Variants in MICAL3 observed in about 807,000 individuals in gnomAD.
MICAL3 encodes the protein microtubule associated monooxygenase, calponin and LIM domain containing 3, also known as [F-actin]-monooxygenase MICAL3.
Under a neutral mutation model 207.4 loss-of-function variants are expected in MICAL3, and 62 were observed. The observed-to-expected ratio is 0.30, with a 90% CI of 0.24 to 0.37. MICAL3 has a LOEUF of 0.37. MICAL3 is among the 10% of genes least tolerant of loss of function. MICAL3 has a pLI of 1.00. For synonymous variants in MICAL3, 1,077 were observed against 1,069.3 expected, an observed-to-expected ratio of 1.01 and a Z score of -0.14; for missense variants, 2,368 against 2,635.6, an observed-to-expected ratio of 0.90 and a Z score of 2.22.
intron 1 of MICAL3, among the ~76,000 whole-genome samples, chr22:17,992,799 A>G (rs1921839181): frequency 6.6e-6 from 1 of 152,096 alleles, no homozygotes; most frequent in Non-Finnish European, 1.5e-5. Flanking sequence ...CTGAACATTT[A>G]TCTCACGGGA....
chr22:17,877,027 T>A (rs62643860), intron 16 of MICAL3, among the ~76,000 whole-genome samples: 3 of 12,256 alleles, frequency 2.4e-4, no homozygotes, highest in African/African-American at 5.8e-4. Context: ...ATGGAGGTTA[T>A]GGAGGTTAGG....
intron 8 of MICAL3, 21 bp downstream of exon 8, chr22:17,896,703 G>C (rs1930873956): frequency 4.3e-6 from 7 of 1,609,950 alleles, no homozygotes; most frequent in Admixed American, 1.7e-5. Flanking sequence ...ACCACAGAGT[G>C]CTGCCATGCT....
chr22:17,803,068 C>T (rs542611936), intron 29 of MICAL3, among the ~76,000 whole-genome samples: 3 of 152,316 alleles, frequency 2.0e-5, no homozygotes, highest in Admixed American at 2.0e-4. Context: ...AGCAGATAAC[C>T]AGGCCTCACC....
chr22:18,007,655 T>TA (rs1473446784), intron 1 of MICAL3, among the ~76,000 whole-genome samples: 1 of 151,822 alleles, frequency 6.6e-6, no homozygotes, highest in Non-Finnish European at 1.5e-5. Context: ...GCTAGCAAAG[T>TA]AAAAAATGCA....
At chr22:17,974,825 C>T (rs1307419302) in intron 1 of MICAL3, among the ~76,000 whole-genome samples, 1 of 151,650 alleles carries the variant, frequency 6.6e-6, no homozygotes, top group Non-Finnish European at 1.5e-5. Context: ...ATGAGCACTA[C>T]TGTGCATGCT....
rs1290277846 is a variant in MICAL3 at position 17,790,736 on chromosome 22, G to GTGGTCGCCGT, written c.6004_6005insACGGCGACCA (p.Ser2002TyrfsTer93). On this transcript the variant is annotated frameshift_variant, in exon 32 of 32. Coordinates refer to ENST00000441493, the MANE Select transcript of MICAL3 (RefSeq NM_015241.3). LOFTEE classifies it high-confidence loss of function. ...AATGGAGCGTTGGGTGGGAGCTCAG[G>GTGGTCGCCGT]ACCAGTTAAGGCTGAAGCCCTTGGA... is the stretch of plus-strand genomic sequence containing the variant. 3 of 1,597,380 alleles carry GTGGTCGCCGT rather than the reference G, an allele frequency of 1.9e-6. No individual in the cohort carries two copies. The highest frequency in any genetic ancestry group is 1.7e-5 in the Admixed American group (1 of 57,392).
intron 1 of MICAL3, among the ~76,000 whole-genome samples, chr22:17,953,952 A>G (rs201096349): frequency 1.5e-3 from 70 of 47,752 alleles, no homozygotes; most frequent in South Asian, 3.6e-3. Flanking sequence ...AAAAAAAAAA[A>G]AAAAAAAAAA....
intron 3 of MICAL3, among the ~76,000 whole-genome samples, chr22:17,903,934 GTCTGT>G (rs1188129633): frequency 2.0e-5 from 3 of 152,228 alleles, no homozygotes; most frequent in African/African-American, 7.2e-5. Context: ...AACGCACACT[GTCTGT>G]TCTGAATTGC....
chr22:17,877,330 TTATGGAGGTTAG>T (rs1928790350), intron 16 of MICAL3, among the ~76,000 whole-genome samples: 2 of 119,922 alleles, frequency 1.7e-5, no homozygotes, highest in Admixed American at 8.0e-5. Context: ...GTTAGGGAGG[TTATGGAGGTTAG>T]GGAGGTTAGG....
chr22:17,909,650 A>ACCTT lies in MICAL3; in HGVS notation c.-74-2765_-74-2764insAAGG, dbSNP rs1931985360. Among the ~76,000 whole-genome samples the ACCTT allele has an allele frequency of 1.3e-5, 2 of 152,360 alleles. 1 individual carries two copies. Among genetic ancestry groups the ACCTT allele is most frequent in the East Asian group, 3.9e-4 (2 of 5,188 alleles). ...AACATTCAGTTTCCCCAAAAAAGAA[A>ACCTT]GGTTTTATTCTAGGTAGCAGCAAGA... is the stretch of plus-strand genomic sequence containing the variant. On this transcript the variant is annotated intron_variant, in intron 1 of 31. Coordinates refer to ENST00000441493, the MANE Select transcript of MICAL3 (RefSeq NM_015241.3).
intron 25 of MICAL3, among the ~76,000 whole-genome samples, chr22:17,820,583 T>A (rs551475832): frequency 6.6e-6 from 1 of 152,192 alleles, no homozygotes; most frequent in Non-Finnish European, 1.5e-5. Context: ...CTCGATCTCC[T>A]GACCTCGTGA....
intron 1 of MICAL3, among the ~76,000 whole-genome samples, chr22:17,973,149 G>T (rs373750447): frequency 6.6e-6 from 1 of 152,218 alleles, no homozygotes; most frequent in Non-Finnish European, 1.5e-5. Context: ...CACCCAGATG[G>T]GGGGAAAAGG....
chr22:17,862,495 C>T (rs532945458), intron 19 of MICAL3: 80 of 726,620 alleles, frequency 1.1e-4, no homozygotes, highest in Middle Eastern at 7.0e-4. Flanking sequence ...CTCCTGACCT[C>T]GTGATCTGCC....
chr22:17,892,168 C>T (rs564804338), intron 11 of MICAL3, among the ~76,000 whole-genome samples: 11 of 152,198 alleles, frequency 7.2e-5, no homozygotes, highest in South Asian at 4.1e-4. Flanking sequence ...TGCAGGGCTC[C>T]GCTGACAACC....
At chr22:17,910,776 T>C (rs115466587) in intron 1 of MICAL3, among the ~76,000 whole-genome samples, 2,895 of 152,336 alleles carry the variant, frequency 0.019, 88 homozygotes, top group African/African-American at 0.066. Context: ...TCCTTGGCTC[T>C]GACAACAGCC....
rs771595048 is a variant in MICAL3 at position 17,817,371 on chromosome 22, G to A, written c.5290C>T (p.Pro1764Ser). 8 of 1,612,202 alleles carry A rather than the reference G, an allele frequency of 5.0e-6. No individual in the cohort carries two copies. Among genetic ancestry groups the A allele is most frequent in the Non-Finnish European group, 6.8e-6 (8 of 1,179,574 alleles). Reference protein sequence around the residue: ...KADDKSCPSTPSSGATVDSGK... With the variant: ...KADDKSCPSTSSSGATVDSGK... Reference sequence around the variant, plus strand: ...GAGTCCACCGTGGCCCCGCTGGAGGGGGTGCTGGGGCAGGACTTGTCGTCG... The same window carrying A: ...GAGTCCACCGTGGCCCCGCTGGAGGAGGTGCTGGGGCAGGACTTGTCGTCG... Residue 1764 changes from proline to serine, a missense_variant, in exon 26 of 32, where the codon CCC (proline) becomes TCC (serine). Physicochemically the swap from Pro to Ser is moderately conservative, Grantham distance 74. Transcript: ENST00000441493.
chr22:18,000,074 G>A (rs959464578), intron 1 of MICAL3, among the ~76,000 whole-genome samples: 2 of 152,210 alleles, frequency 1.3e-5, no homozygotes, highest in African/African-American at 4.8e-5. Context: ...CCCGCAGGCG[G>A]CAGCGACTGT....
At position 17,822,034 on chromosome 22, in the gene MICAL3, C is replaced by T; in HGVS notation, c.3444G>A (p.Glu1148=). ...EKLPASPKHQ[E]RGPSQATSPI... The stretch of plus-strand genomic sequence containing the variant: ...TCCCATCAAAGACAGGCTCACCTCT[C>T]TCTTGGTGCTTCGGTGAGGCGGGCA... Residue 1148 remains glutamate (E), a synonymous_variant, in exon 24 of 32, where the codon GAG becomes GAA. Coordinates refer to ENST00000441493, the MANE Select transcript of MICAL3 (RefSeq NM_015241.3). The T allele has an allele frequency of 1.2e-6, 2 of 1,613,770 alleles. No homozygotes were observed. Among genetic ancestry groups the T allele is most frequent in the South Asian group, 1.1e-5 (1 of 91,066 alleles).
Position 17,793,131 on chromosome 22 carries a change from C to G in MICAL3, c.5651-1830G>C, listed in dbSNP as rs557604564. On this transcript the variant is annotated intron_variant, in intron 29 of 31. Transcript: ENST00000441493. The surrounding 1 kb of genome is among the most constrained non-coding windows in gnomAD (Gnocchi z 4.1). ...CCAGGCAGGGGCTGTGGTGTGTGAG[C>G]GAGAGTCGGGTGAGCGCTGTGGACG... 6.6e-6 allele frequency among the ~76,000 whole-genome samples: 1 copy of G among 152,166 alleles called. No homozygotes were observed. The highest frequency in any genetic ancestry group is 1.5e-5 in the Non-Finnish European group (1 of 68,020).
Sources: allele counts gnomAD v4.1 joint callset (sites outside exome capture counted in the v4.1 genomes callset), GRCh38; gene constraint gnomAD v4.1.1; non-coding constraint Gnocchi (gnomAD v3.1); transcripts MANE v1.5; gene names NCBI Gene and HGNC (gene_info 2026-07-23, HGNC 2026-07-21).